Variants in COBLL1 observed in about 807,000 individuals in gnomAD.
COBLL1 encodes cordon-bleu protein-like 1.
A neutral mutation model predicts 94.8 loss-of-function variants in COBLL1; 50 were observed. That is an observed-to-expected ratio of 0.53 (90% CI 0.42 to 0.67). The LOEUF is 0.67. COBLL1 is among the 30% of genes least tolerant of loss of function. The pLI, the probability that COBLL1 is intolerant of heterozygous loss-of-function variation, is 0.00. For missense variants in COBLL1, 1,362 were observed against 1,348.7 expected, an observed-to-expected ratio of 1.01 and a Z score of -0.15; for synonymous variants, 448 against 473.8, an observed-to-expected ratio of 0.95 and a Z score of 0.71.
Position 164,722,086 on chromosome 2 carries a change from C to A in COBLL1, c.985G>T (p.Glu329Ter). Residue 329 changes from glutamate (E) to a stop codon, truncating the protein, a stop_gained, in exon 7 of 14, where the codon GAG (glutamate) becomes TAG (stop). Coordinates refer to ENST00000652658, the MANE Select transcript of COBLL1 (RefSeq NM_001365672.2). LOFTEE classifies it high-confidence loss of function. Reference protein sequence around the residue: ...SCIVKSMSVDETDKSPCEAGR... With the variant: ...SCIVKSMSVD ...ACAAAACTACACACCTTATCTGTCTCATCCACGCTCATGGATTTCACTATA... is the reference window on the plus strand; with the variant it reads ...ACAAAACTACACACCTTATCTGTCTAATCCACGCTCATGGATTTCACTATA... 6.2e-7 allele frequency: 1 copy of A among 1,602,010 alleles called. No homozygotes were observed. Among genetic ancestry groups the A allele is most frequent in the South Asian group, 1.1e-5 (1 of 89,638 alleles).
chr2:164,694,574 C>G lies in COBLL1; in HGVS notation c.2818G>C (p.Gly940Arg). 1.2e-6 allele frequency: 2 copies of G among 1,613,766 alleles called. No individual in the cohort carries two copies. Among genetic ancestry groups the G allele is most frequent in the Non-Finnish European group, 1.7e-6 (2 of 1,179,864 alleles). Reference protein sequence around the residue: ...LVEKTDDDVIGQAPAEASPPP... With the variant: ...LVEKTDDDVIRQAPAEASPPP... ...GGGGAGGCTTCAGCAGGAGCCTGAC[C>G]GATGACATCATCATCAGTTTTTTCA... Residue 940 changes from glycine (G) to arginine (R), a missense_variant, in exon 12 of 14, where the codon GGT becomes CGT. Coordinates refer to ENST00000652658, the MANE Select transcript of COBLL1 (RefSeq NM_001365672.2).
chr2:164,832,294 A>G (rs1366572230), intron 2 of COBLL1, among the ~76,000 whole-genome samples: 1 of 152,250 alleles, frequency 6.6e-6, no homozygotes, highest in African/African-American at 2.4e-5. Context: ...ACTTTAGGCT[A>G]TAAGGTAAAA....
rs1348593893 is a variant in COBLL1, at chr2:164,681,642, T to C, written c.*4304A>G. ...TTGAGGCCATCACTATGCCTATCGC[T>C]ATCGCAAGGCGTGGGCTGGAAACTA... is the stretch of plus-strand genomic sequence containing the variant. On this transcript the variant is annotated 3_prime_UTR_variant, in exon 14 of 14. Transcript: ENST00000652658. The C allele has an allele frequency of 6.6e-6, 1 of 152,226 alleles. No homozygotes were observed. The highest frequency in any genetic ancestry group is 1.9e-4 in the East Asian group (1 of 5,190). The allele number at this position is 152,226 out of a possible 1,614,324, so 9.4% of individuals were successfully genotyped here. A position where few individuals can be genotyped will look rare whatever the true frequency, so the allele number is the denominator to read the frequency against.
chr2:164,837,502 C>CAAAA, intron 2 of COBLL1: 5 of 378,516 alleles, frequency 1.3e-5, no homozygotes, highest in East Asian at 8.3e-5. Flanking sequence ...TTGCTCTCTG[C>CAAAA]AAAAAAAAAA....
chr2:164,831,896 A>T (rs1171285143), intron 2 of COBLL1, among the ~76,000 whole-genome samples: 1 of 152,210 alleles, frequency 6.6e-6, no homozygotes, highest in Non-Finnish European at 1.5e-5. Flanking sequence ...GAGAAAATGA[A>T]TTCAATGACT....
downstream of COBLL1, among the ~76,000 whole-genome samples, chr2:164,679,839 G>A (rs1682961356): frequency 6.6e-6 from 1 of 151,796 alleles, no homozygotes. Context: ...TAATGTAGAC[G>A]ATGGGTTGAT....
chr2:164,793,318 C>CAA (rs201808950), intron 2 of COBLL1, among the ~76,000 whole-genome samples: 33 of 111,434 alleles, frequency 3.0e-4, no homozygotes, highest in African/African-American at 5.0e-4. Flanking sequence ...CAAAACAAAG[C>CAA]AAAAAAAAAA....
intron 2 of COBLL1, among the ~76,000 whole-genome samples, chr2:164,821,198 T>C (rs1226031334): frequency 1.3e-5 from 2 of 152,132 alleles, no homozygotes; most frequent in Non-Finnish European, 2.9e-5. Context: ...TGGACAATTT[T>C]TAATTAGATG....
chr2:164,704,619 T>C, intron 8 of COBLL1, 101 bp from the exon 9 acceptor site: 3 of 973,718 alleles, frequency 3.1e-6, no homozygotes. Flanking sequence ...CAGTAAGCCT[T>C]GCTAGAAGCC....
rs529977775 is a variant in COBLL1, at chr2:164,683,749, C to A, written c.*2197G>T. On this transcript the variant is annotated 3_prime_UTR_variant, in exon 14 of 14. Coordinates refer to ENST00000652658, the MANE Select transcript of COBLL1 (RefSeq NM_001365672.2). ...TTTCATAAAACACGACTTGTTCCAC[C>A]ACTCACTCTTGTCACTTGTTTTTGA... 1 of 152,072 alleles carries A rather than the reference C, an allele frequency of 6.6e-6. No homozygotes were observed. Among genetic ancestry groups the A allele is most frequent in the South Asian group, 2.1e-4 (1 of 4,820 alleles). 9.4% of individuals were successfully genotyped at this position (152,072 alleles called of 1,614,324 possible). A position where few individuals can be genotyped will look rare whatever the true frequency, so the allele number is the denominator to read the frequency against.
At chr2:164,801,569 G>A (rs1683808099) in intron 2 of COBLL1, among the ~76,000 whole-genome samples, 1 of 150,560 alleles carries the variant, frequency 6.6e-6, no homozygotes, top group South Asian at 2.1e-4. Flanking sequence ...ACTAAGCTAT[G>A]ATCACACCAC....
chr2:164,686,083 G>C lies in COBLL1; in HGVS notation c.3301-51C>G. 4 of 983,104 alleles carry C rather than the reference G, an allele frequency of 4.1e-6. No homozygotes were observed. In the South Asian group the frequency reaches 5.1e-5, roughly 12 times the overall value. The allele number at this position is 983,104 out of a possible 1,614,324, so 60.9% of individuals were successfully genotyped here. The stretch of plus-strand genomic sequence containing the variant: ...CCCATCAATTTAAAATGGGATAGCT[G>C]TCTAATTTTCAATTTTCAACAGTTA... On this transcript the variant is annotated intron_variant, in intron 13 of 13. Transcript: ENST00000652658.
chr2:164,827,691 G>A (rs1685498014), intron 2 of COBLL1, among the ~76,000 whole-genome samples: 1 of 152,168 alleles, frequency 6.6e-6, no homozygotes, highest in Non-Finnish European at 1.5e-5. Flanking sequence ...ACACAAATGA[G>A]TATGAATTCT....
intron 5 of COBLL1, chr2:164,726,967 A>G (rs1331472723): frequency 2.6e-6 from 1 of 385,500 alleles, no homozygotes; most frequent in African/African-American, 2.1e-5. Flanking sequence ...CAAGGAAATA[A>G]AACCCAAATA....
chr2:164,704,819 G>A, intron 8 of COBLL1, 133 bp downstream of exon 8: 1 of 980,110 alleles, frequency 1.0e-6, no homozygotes, highest in South Asian at 1.8e-5. Flanking sequence ...GCAGCAAAGT[G>A]AGACTAATCA....
Position 164,743,675 on chromosome 2 carries a change from A to G in COBLL1, c.230+12T>C. 1 of 1,604,238 alleles carries G rather than the reference A, an allele frequency of 6.2e-7. No homozygotes were observed. Among genetic ancestry groups the G allele is most frequent in the South Asian group, 1.1e-5 (1 of 90,844 alleles). On this transcript the variant is annotated intron_variant, in intron 3 of 13. Coordinates refer to ENST00000652658, the MANE Select transcript of COBLL1 (RefSeq NM_001365672.2). Reference sequence around the variant, plus strand: ...AAGGGGAGGTCCTGATATTTCATTTACTCCAGCGTACCTGCCATGAACAGT... The same window carrying G: ...AAGGGGAGGTCCTGATATTTCATTTGCTCCAGCGTACCTGCCATGAACAGT...
At chr2:164,718,182 T>C (rs1685271861) in intron 7 of COBLL1, 13 of 836,066 alleles carry the variant, frequency 1.6e-5, no homozygotes, top group Non-Finnish European at 1.9e-5. Context: ...AATGTTTACT[T>C]ATCAATTCTC....
intron 2 of COBLL1, among the ~76,000 whole-genome samples, chr2:164,773,090 A>AATTGACTAACTGCAATTG (rs1553476667): frequency 6.6e-6 from 1 of 152,062 alleles, no homozygotes; most frequent in Non-Finnish European, 1.5e-5. Context: ...AGGGTTGTTA[A>AATTGACTAACTGCAATTG]TACAGAGAGG....
At position 164,833,019 on chromosome 2, in the gene COBLL1, G is replaced by A. The variant is rs564522975; in HGVS notation, c.41+8137C>T. 2.7e-4 allele frequency among the ~76,000 whole-genome samples: 41 copies of A among 151,990 alleles called. No individual in the cohort carries two copies. The South Asian group carries it at 8.3e-3, about 31-fold the overall frequency. ...GATAGCGCCATTGCACTCCAGCCTG[G>A]TCAACAAGAGTGAAACTCCATCTCA... On this transcript the variant is annotated intron_variant, in intron 2 of 13. Coordinates refer to ENST00000652658, the MANE Select transcript of COBLL1 (RefSeq NM_001365672.2).
Sources: allele counts gnomAD v4.1 joint callset (sites outside exome capture counted in the v4.1 genomes callset), GRCh38; gene constraint gnomAD v4.1.1; transcripts MANE v1.5; gene names NCBI Gene and HGNC (gene_info 2026-07-23, HGNC 2026-07-21).